Variants in ARNT2 observed in about 807,000 individuals in gnomAD.
ARNT2 encodes aryl hydrocarbon receptor nuclear translocator 2, also known as ARNT protein 2.
In ARNT2, 36 loss-of-function variants were observed where a neutral mutation model predicts 91.7. That is an observed-to-expected ratio of 0.39 (90% CI 0.30 to 0.52). ARNT2 has a LOEUF of 0.52. Among genes scored for constraint, ARNT2 ranks in the 20% least tolerant of loss-of-function variants. The pLI is 0.72. For synonymous variants in ARNT2, 365 were observed against 347.1 expected (o/e 1.05, Z -0.57); for missense variants, 775 against 939.3 (o/e 0.83, Z 2.29).
intron 1 of ARNT2, among the ~76,000 whole-genome samples, chr15:80,437,922 T>TACACACACACACACACAC (rs58142108): frequency 2.2e-4 from 31 of 141,662 alleles, no homozygotes; most frequent in South Asian, 1.0e-3. Context: ...TGTATTTACC[T>TACACACACACACACACAC]ACACACACAC....
In ARNT2 at chr15:80,521,125, T is replaced by G. The variant is rs548472547; in HGVS notation, c.877+6720T>G. ...AAGATTTATTTGATAAATCTGATTT[T>G]ACTGAGATAGACAATTCTGATGATT... On this transcript the variant is annotated intron_variant, in intron 8 of 18. Coordinates refer to ENST00000303329, the MANE Select transcript of ARNT2 (RefSeq NM_014862.4). Among the ~76,000 whole-genome samples the G allele has an allele frequency of 3.5e-4, 54 of 152,314 alleles. 1 individual carries two copies. Among genetic ancestry groups the G allele is most frequent in the African/African-American group, 1.2e-3 (49 of 41,580 alleles).
chr15:80,552,264 G>C (rs1270873085), intron 9 of ARNT2, among the ~76,000 whole-genome samples: 1 of 152,162 alleles, frequency 6.6e-6, no homozygotes, highest in African/African-American at 2.4e-5. Context: ...CCTTAGGCTC[G>C]TTTGCCATCC....
chr15:80,442,718 C>G, intron 1 of ARNT2: 3 of 408,870 alleles, frequency 7.3e-6, no homozygotes, highest in Non-Finnish European at 9.9e-6. Context: ...AGCACTTGTA[C>G]CTCTACTTTG....
At chr15:80,572,123 TA>T (rs971483490) in intron 12 of ARNT2, among the ~76,000 whole-genome samples, 25 of 145,092 alleles carry the variant, frequency 1.7e-4, no homozygotes, top group African/African-American at 2.0e-4. Context: ...GAAAGGGAAT[TA>T]AAAAAAAAAA....
intron 8 of ARNT2, among the ~76,000 whole-genome samples, chr15:80,546,940 G>A (rs1031868195): frequency 6.6e-6 from 1 of 151,674 alleles, no homozygotes; most frequent in Non-Finnish European, 1.5e-5. Context: ...TCCAGCCTGG[G>A]CGACAGAGTG....
At chr15:80,554,872 AG>A in intron 10 of ARNT2, 192 bp from the exon 11 acceptor site, 1 of 546,528 alleles carries the variant, frequency 1.8e-6, no homozygotes, top group Non-Finnish European at 3.3e-6. Flanking sequence ...AAGAACTTAG[AG>A]TGAATACCAA....
intron 6 of ARNT2, among the ~76,000 whole-genome samples, chr15:80,512,063 C>T (rs1303192348): frequency 4.6e-5 from 7 of 152,146 alleles, no homozygotes; most frequent in Admixed American, 2.6e-4. Flanking sequence ...CTGGGGCGTC[C>T]GTTGCGTACT....
chr15:80,522,810 G>A (rs1311162666), intron 8 of ARNT2, among the ~76,000 whole-genome samples: 5 of 127,998 alleles, frequency 3.9e-5, no homozygotes, highest in Non-Finnish European at 8.4e-5. Flanking sequence ...GTGTGTGTGT[G>A]TGTGTGTGTG....
chr15:80,570,840 G>T (rs191496582), intron 12 of ARNT2, among the ~76,000 whole-genome samples: 2 of 152,220 alleles, frequency 1.3e-5, no homozygotes, highest in Non-Finnish European at 2.9e-5. Flanking sequence ...TGTCCCCGGT[G>T]CCTGGCAAAA....
chr15:80,414,188 C>A (rs1042484943), intron 1 of ARNT2, among the ~76,000 whole-genome samples: 18 of 152,342 alleles, frequency 1.2e-4, no homozygotes, highest in African/African-American at 3.6e-4. Context: ...TGCTTCTCAA[C>A]TGGGGGCATT....
At chr15:80,531,051 C>T (rs1356299759) in intron 8 of ARNT2, among the ~76,000 whole-genome samples, 3 of 152,296 alleles carry the variant, frequency 2.0e-5, no homozygotes, top group South Asian at 2.1e-4. Context: ...ACTAATATTC[C>T]TCTGAGAATA....
Position 80,416,575 on chromosome 15 carries a change from G to A in ARNT2, c.31+12029G>A, listed in dbSNP as rs114318952. On this transcript the variant is annotated intron_variant, in intron 1 of 18. Coordinates refer to ENST00000303329, the MANE Select transcript of ARNT2 (RefSeq NM_014862.4). ...AACCTAGGATTATAAGTTACATTAA[G>A]TTCTGATGTCTCTTTAGTGTCCTTT... Among the ~76,000 whole-genome samples, 907 of 152,222 alleles carry A rather than the reference G, an allele frequency of 6.0e-3. 6 individuals are homozygous for A. The highest frequency in any genetic ancestry group is 0.021 in the African/African-American group (867 of 41,524).
rs544783543 is a variant in ARNT2, at chr15:80,409,120, ATGGT to A, written c.31+4579_31+4582del. Among the ~76,000 whole-genome samples, 20 of 152,290 alleles carry A rather than the reference ATGGT, an allele frequency of 1.3e-4. No homozygotes were observed. In the East Asian group the frequency reaches 3.1e-3, roughly 23 times the overall value. ...TAGTTCACATTAGGATTCACTCTTG[ATGGT>A]TGGTAGACGTTCTATGGGTTGGACA... On this transcript the variant is annotated intron_variant, in intron 1 of 18. Transcript: ENST00000303329.
intron 13 of ARNT2, among the ~76,000 whole-genome samples, chr15:80,574,542 C>T (rs1898635742): frequency 6.6e-6 from 1 of 152,166 alleles, no homozygotes. Flanking sequence ...CTTCTGATCC[C>T]CTTGGGCCCC....
intron 12 of ARNT2, among the ~76,000 whole-genome samples, chr15:80,566,971 T>C (rs927389805): frequency 6.6e-6 from 1 of 152,236 alleles, no homozygotes; most frequent in African/African-American, 2.4e-5. Flanking sequence ...GATGTTTTAT[T>C]GTCTCACTTC....
At chr15:80,455,254 G>T (rs909184266) in intron 2 of ARNT2, among the ~76,000 whole-genome samples, 4 of 152,118 alleles carry the variant, frequency 2.6e-5, no homozygotes, top group African/African-American at 9.7e-5. Context: ...GACTGTTTTC[G>T]GGTGGATTGA....
intron 5 of ARNT2, among the ~76,000 whole-genome samples, chr15:80,505,295 T>G (rs966329113): frequency 6.6e-6 from 1 of 152,134 alleles, no homozygotes; most frequent in African/African-American, 2.4e-5. Flanking sequence ...GAGGCTGGAA[T>G]GAAGGGGACA....
intron 1 of ARNT2, among the ~76,000 whole-genome samples, chr15:80,424,081 T>A (rs1406083293): frequency 6.6e-6 from 1 of 151,932 alleles, no homozygotes; most frequent in Non-Finnish European, 1.5e-5. Flanking sequence ...CCAGCAGGGG[T>A]CTTAGGTAGA....
At chr15:80,470,518 C>T (rs555752887) in intron 4 of ARNT2, 87 bp downstream of exon 4, 2 of 1,423,134 alleles carry the variant, frequency 1.4e-6, no homozygotes, top group Middle Eastern at 2.3e-4. Context: ...AACCAGGGCT[C>T]AAGGTTGAGG....
Sources: allele counts gnomAD v4.1 joint callset (sites outside exome capture counted in the v4.1 genomes callset), GRCh38; gene constraint gnomAD v4.1.1; transcripts MANE v1.5; gene names NCBI Gene and HGNC (gene_info 2026-07-23, HGNC 2026-07-21).